FAF1: variants seen among roughly 807,000 people sequenced by gnomAD.
FAF1 encodes the protein Fas associated factor 1.
A neutral mutation model predicts 92.5 loss-of-function variants in FAF1; 25 were observed. That is an observed-to-expected ratio of 0.27 (90% CI 0.20 to 0.38). FAF1 has a LOEUF of 0.38. Ranked by LOEUF, FAF1 falls within the 10% of genes least tolerant of loss-of-function variation. The pLI is 1.00. For missense variants in FAF1, 636 were observed against 793.3 expected, an observed-to-expected ratio of 0.80 and a Z score of 2.38; for synonymous variants, 234 against 273.2, an observed-to-expected ratio of 0.86 and a Z score of 1.42.
chr1:50,835,052 T>C (rs1644188118), intron 2 of FAF1, among the ~76,000 whole-genome samples: 1 of 152,188 alleles, frequency 6.6e-6, no homozygotes, highest in Admixed American at 6.5e-5. Flanking sequence ...AAAGCTTTAA[T>C]TCCATTTTTC....
chr1:50,491,695 T>G (rs765697771), intron 16 of FAF1, 26 bp downstream of exon 16: 17 of 1,545,396 alleles, frequency 1.1e-5, no homozygotes, highest in Non-Finnish European at 1.5e-5. Flanking sequence ...GAGTTCTTTA[T>G]CCCAGAAGTA....
chr1:50,726,828 CAAAA>C (rs1435117943), intron 6 of FAF1, among the ~76,000 whole-genome samples: 2 of 151,866 alleles, frequency 1.3e-5, no homozygotes, highest in African/African-American at 2.4e-5. Context: ...GACTCTGTCT[CAAAA>C]AAGAAAGAAA....
At chr1:50,667,885 G>A (rs1209943308) in intron 7 of FAF1, among the ~76,000 whole-genome samples, 1 of 152,124 alleles carries the variant, frequency 6.6e-6, no homozygotes, top group Non-Finnish European at 1.5e-5. Flanking sequence ...TTTTGATAAT[G>A]ACTATATCCC....
chr1:50,637,679 A>ATGTGTGTGTGTGTGTGTGTG (rs764058700), intron 8 of FAF1, among the ~76,000 whole-genome samples: 1 of 101,812 alleles, frequency 9.8e-6, no homozygotes, highest in East Asian at 2.2e-4. Context: ...ACACATATAT[A>ATGTGTGTGTGTGTGTGTGTG]TATGTGTGTG....
intron 12 of FAF1, among the ~76,000 whole-genome samples, chr1:50,569,046 G>C (rs1195545039): frequency 6.6e-6 from 1 of 152,084 alleles, no homozygotes; most frequent in Admixed American, 6.6e-5. Flanking sequence ...GAAAGACTCG[G>C]GGTTTCTTCA....
At chr1:50,686,126 G>A (rs1656645234) in intron 7 of FAF1, among the ~76,000 whole-genome samples, 1 of 152,140 alleles carries the variant, frequency 6.6e-6, no homozygotes. Flanking sequence ...CCCAATAATA[G>A]TACCACTGTC....
chr1:50,957,248 C>G (rs985977521), intron 1 of FAF1, among the ~76,000 whole-genome samples: 2 of 151,070 alleles, frequency 1.3e-5, no homozygotes, highest in African/African-American at 2.4e-5. Flanking sequence ...AGATGCCATT[C>G]TATTTTTCCC....
chr1:50,557,687 T>C (rs1395415034), intron 13 of FAF1, among the ~76,000 whole-genome samples: 1 of 152,156 alleles, frequency 6.6e-6, no homozygotes, highest in Non-Finnish European at 1.5e-5. Context: ...CTGACTGTTT[T>C]ACTATCAGTG....
intron 15 of FAF1, among the ~76,000 whole-genome samples, chr1:50,509,013 T>C (rs1647097713): frequency 6.6e-6 from 1 of 152,204 alleles, no homozygotes; most frequent in South Asian, 2.1e-4. Flanking sequence ...CCAAATTGTA[T>C]ACTTTAAAAT....
intron 15 of FAF1, among the ~76,000 whole-genome samples, chr1:50,514,437 G>A (rs533644976): frequency 3.9e-5 from 6 of 152,240 alleles, no homozygotes; most frequent in African/African-American, 1.4e-4. Flanking sequence ...TGGCAAATCT[G>A]ACATGACACT....
intron 6 of FAF1, among the ~76,000 whole-genome samples, chr1:50,709,163 A>G (rs1657812936): frequency 6.6e-6 from 1 of 152,150 alleles, no homozygotes; most frequent in African/African-American, 2.4e-5. Flanking sequence ...CAAGCTCACT[A>G]CAATCTTTGT....
chr1:50,490,668 G>T lies in FAF1; in HGVS notation c.1576-3C>A. The T allele has an allele frequency of 6.3e-7, 1 of 1,599,014 alleles. No homozygotes were observed. The highest frequency in any genetic ancestry group is 8.6e-7 in the Non-Finnish European group (1 of 1,166,270). On this transcript the variant is annotated splice_region_variant and splice_polypyrimidine_tract_variant and intron_variant, in intron 16 of 18. Transcript: ENST00000396153. ...ATCTCTCTCTCGTGAGCTTCCCTCTGTTGATAAAACAGAAAAGGAACAAGC... is the reference window on the plus strand; with the variant it reads ...ATCTCTCTCTCGTGAGCTTCCCTCTTTTGATAAAACAGAAAAGGAACAAGC...
intron 4 of FAF1, among the ~76,000 whole-genome samples, chr1:50,773,944 C>A (rs1660863096): frequency 6.6e-6 from 1 of 152,164 alleles, no homozygotes; most frequent in African/African-American, 2.4e-5. Context: ...TAAACATACA[C>A]ACTTATTAAA....
At chr1:50,665,154 G>A (rs774533145) in intron 7 of FAF1, among the ~76,000 whole-genome samples, 5 of 152,048 alleles carry the variant, frequency 3.3e-5, no homozygotes, top group Non-Finnish European at 7.4e-5. Flanking sequence ...AGAAATAACT[G>A]GAACAATTAT....
chr1:50,522,562 A>T (rs968626822), intron 15 of FAF1, among the ~76,000 whole-genome samples: 1 of 152,196 alleles, frequency 6.6e-6, no homozygotes, highest in African/African-American at 2.4e-5. Context: ...AATTTAATAC[A>T]GAGTAACAAA....
intron 9 of FAF1, among the ~76,000 whole-genome samples, chr1:50,585,236 T>G (rs956769412): frequency 1.3e-5 from 2 of 152,338 alleles, no homozygotes; most frequent in African/African-American, 4.8e-5. Flanking sequence ...TTCCACTTCC[T>G]TACTGCAGTG....
At chr1:50,941,195 A>G (rs1311902234) in intron 1 of FAF1, among the ~76,000 whole-genome samples, 7 of 151,570 alleles carry the variant, frequency 4.6e-5, no homozygotes, top group African/African-American at 1.5e-4. Context: ...GCCACGCTCA[A>G]CTTTTTGTTT....
chr1:50,929,689 C>T (rs1306309722), intron 1 of FAF1, among the ~76,000 whole-genome samples: 1 of 152,128 alleles, frequency 6.6e-6, no homozygotes, highest in Non-Finnish European at 1.5e-5. Context: ...CTATCATGTG[C>T]CAGGCATAGT....
At chr1:50,532,320 A>G (rs946906871) in intron 15 of FAF1, among the ~76,000 whole-genome samples, 2 of 152,204 alleles carry the variant, frequency 1.3e-5, no homozygotes, top group Non-Finnish European at 2.9e-5. Flanking sequence ...CCAGTGCATT[A>G]TGGGGAACAC....
Sources: allele counts gnomAD v4.1 joint callset (sites outside exome capture counted in the v4.1 genomes callset), GRCh38; gene constraint gnomAD v4.1.1; transcripts MANE v1.5; gene names NCBI Gene and HGNC (gene_info 2026-07-23, HGNC 2026-07-21).